TTLL11: variants seen among roughly 807,000 people sequenced by gnomAD.
TTLL11 encodes the protein tubulin tyrosine ligase like 11.
TTLL11 carries 42 observed loss-of-function variants against 51.7 expected under a neutral mutation model. The observed-to-expected ratio is 0.81, with a 90% CI of 0.64 to 1.05. The LOEUF is 1.05. TTLL11 is among the 50% of genes least tolerant of loss of function. TTLL11 has a pLI of 0.00. For missense variants in TTLL11, 799 were observed against 940.4 expected, an observed-to-expected ratio of 0.85 and a Z score of 1.97; for synonymous variants, 381 against 383.5, an observed-to-expected ratio of 0.99 and a Z score of 0.08.
intron 1 of TTLL11, among the ~76,000 whole-genome samples, chr9:122,077,031 G>A (rs1207322753): frequency 4.6e-5 from 7 of 152,134 alleles, no homozygotes; most frequent in East Asian, 1.9e-4. Context: ...TCTTCAAAGC[G>A]CTGAGACCCT....
chr9:122,008,808 G>A (rs563871521), intron 3 of TTLL11, among the ~76,000 whole-genome samples: 1 of 152,346 alleles, frequency 6.6e-6, no homozygotes, highest in Admixed American at 6.5e-5. Context: ...TCCGTCGCGG[G>A]TGAATGAATG....
chr9:122,086,588 C>A (rs1422815344), intron 1 of TTLL11, among the ~76,000 whole-genome samples: 1 of 152,172 alleles, frequency 6.6e-6, no homozygotes, highest in Admixed American at 6.5e-5. Context: ...TCACATTCCA[C>A]AGAGGAGGAA....
rs138755529 is a variant in TTLL11, at chr9:121,839,874, T to A, written c.1841-16995A>T. Among the ~76,000 whole-genome samples the A allele has an allele frequency of 4.6e-5, 7 of 152,272 alleles. No homozygotes were observed. In the East Asian group the frequency reaches 1.4e-3, roughly 29 times the overall value. On this transcript the variant is annotated intron_variant, in intron 8 of 8. Coordinates refer to ENST00000321582, the MANE Select transcript of TTLL11 (RefSeq NM_001139442.2). Reference sequence around the variant, plus strand: ...CCCTATCCTCAAGGTGAGACCCCTCTGAGGAGCTCTTCAAAGCTGGCCTGC... The same window carrying A: ...CCCTATCCTCAAGGTGAGACCCCTCAGAGGAGCTCTTCAAAGCTGGCCTGC...
intron 2 of TTLL11, among the ~76,000 whole-genome samples, chr9:122,037,486 T>C (rs1423366092): frequency 1.3e-5 from 2 of 152,200 alleles, no homozygotes; most frequent in East Asian, 3.8e-4. Context: ...AAGCATATGG[T>C]TAAAATGATC....
chr9:121,910,949 T>G (rs1450675633), intron 6 of TTLL11, among the ~76,000 whole-genome samples: 3 of 152,208 alleles, frequency 2.0e-5, no homozygotes, highest in African/African-American at 7.2e-5. Flanking sequence ...TCATAGAGAT[T>G]TTTTTAATGT....
At chr9:122,075,845 A>G (rs1588260636) in intron 1 of TTLL11, among the ~76,000 whole-genome samples, 1 of 152,168 alleles carries the variant, frequency 6.6e-6, no homozygotes, top group East Asian at 1.9e-4. Context: ...CTATTTCTGG[A>G]CTGGGCTTCG....
At chr9:121,856,681 G>T (rs559538461) in intron 8 of TTLL11, among the ~76,000 whole-genome samples, 1 of 152,096 alleles carries the variant, frequency 6.6e-6, no homozygotes. Context: ...TTCTTTGAGC[G>T]TGAGAACCCA....
chr9:122,078,365 A>G (rs1845912618), intron 1 of TTLL11, among the ~76,000 whole-genome samples: 1 of 152,232 alleles, frequency 6.6e-6, no homozygotes. Flanking sequence ...TGTGGGAGTC[A>G]GGGAAGATAT....
chr9:122,063,171 T>C (rs565251966), intron 1 of TTLL11, among the ~76,000 whole-genome samples: 14 of 152,336 alleles, frequency 9.2e-5, no homozygotes, highest in Admixed American at 6.5e-5. Flanking sequence ...TAACAATGTG[T>C]GTCTTTTTGA....
rs1256983111 is a variant in TTLL11, at chr9:122,031,720, T to C, written c.693+3A>G. 1 of 1,612,334 alleles carries C rather than the reference T, an allele frequency of 6.2e-7. No individual in the cohort carries two copies. The highest frequency in any genetic ancestry group is 1.7e-5 in the Admixed American group (1 of 60,012). Reference sequence around the variant, plus strand: ...GGGGTCATGGGGACGGAGTGCCATCTACCTGAGCAACAAAGAGCTGGAACT... The same window carrying C: ...GGGGTCATGGGGACGGAGTGCCATCCACCTGAGCAACAAAGAGCTGGAACT... On this transcript the variant is annotated splice_donor_region_variant and intron_variant, in intron 3 of 8. Coordinates refer to ENST00000321582, the MANE Select transcript of TTLL11 (RefSeq NM_001139442.2).
At chr9:121,990,335 C>T (rs1324724852) in intron 3 of TTLL11, among the ~76,000 whole-genome samples, 2 of 152,330 alleles carry the variant, frequency 1.3e-5, no homozygotes, top group Non-Finnish European at 2.9e-5. Context: ...GTTATCTACA[C>T]CCTTTCCATC....
At chr9:122,059,035 C>T (rs1429326571) in intron 1 of TTLL11, among the ~76,000 whole-genome samples, 2 of 152,098 alleles carry the variant, frequency 1.3e-5, no homozygotes, top group South Asian at 2.1e-4. Context: ...CTGGCTTACA[C>T]ACCTCTGCAT....
At chr9:121,877,166 C>T (rs192237380) in intron 6 of TTLL11, among the ~76,000 whole-genome samples, 1 of 152,222 alleles carries the variant, frequency 6.6e-6, no homozygotes, top group Non-Finnish European at 1.5e-5. Flanking sequence ...GCGAAGTCCC[C>T]TCAGTCACTA....
chr9:121,904,893 CCAG>C (rs1348467360), intron 6 of TTLL11, among the ~76,000 whole-genome samples: 1 of 152,208 alleles, frequency 6.6e-6, no homozygotes, highest in African/African-American at 2.4e-5. Flanking sequence ...CATGAGGCCA[CCAG>C]CGTCTAGTTG....
rs1836805594 is a variant in TTLL11 at position 121,826,555 on chromosome 9, GTGTATATATATATA to G, written c.1841-3690_1841-3677del. ...TGTGTGTGTATATATATATATGTGT[GTGTATATATATATA>G]TATATATATATATGTATATGGTTTT... On this transcript the variant is annotated intron_variant, in intron 8 of 8. Coordinates refer to ENST00000321582, the MANE Select transcript of TTLL11 (RefSeq NM_001139442.2). Among the ~76,000 whole-genome samples the G allele has an allele frequency of 1.2e-4, 6 of 48,108 alleles. 1 individual carries two copies. Among genetic ancestry groups the G allele is most frequent in the African/African-American group, 5.7e-4 (6 of 10,530 alleles). 31.6% of individuals were successfully genotyped at this position (48,108 alleles called of 152,430 possible).
intron 7 of TTLL11, among the ~76,000 whole-genome samples, chr9:121,869,939 C>T (rs1838299757): frequency 6.6e-6 from 1 of 152,176 alleles, no homozygotes; most frequent in Non-Finnish European, 1.5e-5. Context: ...CAGGCTGCAG[C>T]AAAGATATAA....
At chr9:122,015,820 A>AG (rs1054924854) in intron 3 of TTLL11, among the ~76,000 whole-genome samples, 2 of 151,750 alleles carry the variant, frequency 1.3e-5, no homozygotes, top group African/African-American at 4.9e-5. Flanking sequence ...AAAAAAAAAA[A>AG]AAAGAAAGAA....
In TTLL11 at chr9:121,822,871, G is replaced by T; in HGVS notation, c.1849C>A (p.Leu617Met). ...TLDQRDSGMC[L>M]QAFVEAFFFL... ...AAGAAAGCTTCTACGAAGGCCTGCA[G>T]ACACATCCCTGTGAACAAAGAGACT... Residue 617 changes from leucine (L) to methionine (M), a missense_variant, in exon 9 of 9, where the codon CTG (leucine) becomes ATG (methionine). By Grantham distance (15) the Leu-to-Met change is conservative. Coordinates refer to ENST00000321582, the MANE Select transcript of TTLL11 (RefSeq NM_001139442.2). The surrounding 1 kb of genome is among the most constrained non-coding windows in gnomAD (Gnocchi z 5.8). The T allele has an allele frequency of 6.5e-7, 1 of 1,549,934 alleles. No individual in the cohort carries two copies. The highest frequency in any genetic ancestry group is 1.2e-5 in the South Asian group (1 of 83,850).
chr9:121,919,022 C>T (rs990182240), intron 6 of TTLL11, among the ~76,000 whole-genome samples: 6 of 152,164 alleles, frequency 3.9e-5, no homozygotes, highest in Non-Finnish European at 7.4e-5. Context: ...ATTTCTTGTC[C>T]TTGATTGGGT....
Sources: gnomAD v4.1 joint callset for allele counts (sites outside exome capture counted in the v4.1 genomes callset) on GRCh38, gnomAD v4.1.1 for gene constraint, Gnocchi (gnomAD v3.1) non-coding constraint, MANE v1.5 for transcripts, NCBI Gene and HGNC (gene_info 2026-07-23, HGNC 2026-07-21) for gene names.